ZNF354A: variants seen among roughly 807,000 people sequenced by gnomAD.
ZNF354A encodes the protein epididymis luminal protein 104.
In ZNF354A, 25 loss-of-function variants were observed where a neutral mutation model predicts 53.3. The ratio of observed to expected loss-of-function variants is 0.47; its 90% CI spans 0.34 to 0.66. The LOEUF (loss-of-function observed/expected upper bound fraction) is 0.66, where lower values mean the gene tolerates loss of function less well. Ranked by LOEUF, ZNF354A falls within the 30% of genes least tolerant of loss-of-function variation. The pLI is 0.01. For missense variants in ZNF354A, 586 were observed against 716.8 expected (o/e 0.82, Z 2.08); for synonymous variants, 228 against 249.0 (o/e 0.92, Z 0.79).
intron 4 of ZNF354A, among the ~76,000 whole-genome samples, chr5:178,722,084 C>T (rs1284764062): frequency 1.3e-5 from 2 of 152,268 alleles, no homozygotes; most frequent in East Asian, 3.9e-4. Flanking sequence ...CCTGATTTTC[C>T]TTACAGTACG....
In ZNF354A at chr5:178,712,326, C is replaced by G; in HGVS notation, c.1552G>C (p.Gly518Arg). 1 of 1,614,088 alleles carries G rather than the reference C, an allele frequency of 6.2e-7. No homozygotes were observed. The highest frequency in any genetic ancestry group is 8.5e-7 in the Non-Finnish European group (1 of 1,179,996). The change falls in exon 5 of 5, where the codon GGA (glycine) becomes CGA (arginine). Residue 518 changes from glycine (G) to arginine (R), a missense_variant. Physicochemically the swap from Gly to Arg is moderately radical, Grantham distance 125. This residue lies in a region of ZNF354A where 573 missense variants were observed against 680.1 expected (regional missense o/e 0.84). Coordinates refer to ENST00000335815, the MANE Select transcript of ZNF354A (RefSeq NM_005649.3). The part of the protein sequence containing the change: ...SLSNHQRIHT[G>R]EKPYRCEECG... ...TCCTCACATCGATATGGTTTCTCTC[C>G]AGTATGAATTCTCTGGTGATTACTA...
chr5:178,716,966 G>A (rs950072643), intron 4 of ZNF354A, among the ~76,000 whole-genome samples: 3 of 150,624 alleles, frequency 2.0e-5, no homozygotes, highest in African/African-American at 7.3e-5. Flanking sequence ...ATAATCCCAG[G>A]TACTCGGGAG....
Position 178,713,306 on chromosome 5 carries a change from A to G in ZNF354A, c.572T>C (p.Ile191Thr), listed in dbSNP as rs374459857. ...PREKTPPKCE[I>T]QGNSLKQNSQ... ...ATTCTGTTTGAGGCTGTTTCCTTGT[A>G]TTTCACATTTTGGTGGTGTTTTTTC... Residue 191 changes from isoleucine to threonine, a missense_variant, in exon 5 of 5, where the codon ATA (isoleucine) becomes ACA (threonine). Ile to Thr is a moderately conservative substitution (Grantham distance 89). This residue lies in a region of ZNF354A where 573 missense variants were observed against 680.1 expected (regional missense o/e 0.84). Transcript: ENST00000335815. 1.9e-6 allele frequency: 3 copies of G among 1,613,954 alleles called. No homozygotes were observed. The African/African-American group carries it at 4.0e-5, about 22-fold the overall frequency.
Position 178,713,027 on chromosome 5 carries a change from G to T in ZNF354A, c.851C>A (p.Ser284Tyr). Residue 284 changes from serine to tyrosine, a missense_variant, in exon 5 of 5, where the codon TCC becomes TAC. This residue lies in a region of ZNF354A where 573 missense variants were observed against 680.1 expected (regional missense o/e 0.84). Coordinates refer to ENST00000335815, the MANE Select transcript of ZNF354A (RefSeq NM_005649.3). Reference protein sequence around the residue: ...ECGKAFTLSTSLYKHLRTHTV... With the variant: ...ECGKAFTLSTYLYKHLRTHTV... ...ATGGGTTCTTAGATGTTTATAAAGG[G>T]ATGTACTGAGAGTAAAGGCTTTCCC... 6.2e-7 allele frequency: 1 copy of T among 1,614,052 alleles called. No individual in the cohort carries two copies. The highest frequency in any genetic ancestry group is 8.5e-7 in the Non-Finnish European group (1 of 1,179,992).
intron 1 of ZNF354A, among the ~76,000 whole-genome samples, chr5:178,729,620 A>G (rs4451064): frequency 0.24 from 36,197 of 150,854 alleles, 5,021 homozygotes; most frequent in South Asian, 0.35. Context: ...GCGCAGTGGC[A>G]GGATCTCGGC....
At chr5:178,730,069 GTTAGTCAGGA>G (rs1347695675) in intron 1 of ZNF354A, among the ~76,000 whole-genome samples, 1 of 151,754 alleles carries the variant, frequency 6.6e-6, no homozygotes, top group Non-Finnish European at 1.5e-5. Flanking sequence ...GTTTCACCGT[GTTAGTCAGGA>G]TGGTCTCGAT....
At chr5:178,715,196 T>C (rs187110982) in intron 4 of ZNF354A, among the ~76,000 whole-genome samples, 17 of 152,304 alleles carry the variant, frequency 1.1e-4, no homozygotes, top group Admixed American at 1.0e-3. Flanking sequence ...GGGGTAGAGG[T>C]AACTGTTTAA....
rs148525094 is a variant in ZNF354A, at chr5:178,730,544, G to T, written c.-52+12C>A. On this transcript the variant is annotated intron_variant, in intron 1 of 4. Coordinates refer to ENST00000335815, the MANE Select transcript of ZNF354A (RefSeq NM_005649.3). ...CCGCCTCCTACCGGCTTGGCCTGCC[G>T]CCGACGCTCACCTCCCTAAGCTCGA... 36,683 of 151,724 alleles carry T rather than the reference G, an allele frequency of 0.24. 5,122 individuals carry two copies. The highest frequency in any genetic ancestry group is 0.35 in the South Asian group (1,665 of 4,824). 9.4% of individuals were successfully genotyped at this position (151,724 alleles called of 1,614,324 possible). A position where few individuals can be genotyped will look rare whatever the true frequency, so the allele number is the denominator to read the frequency against.
intron 3 of ZNF354A, chr5:178,726,297 T>C: frequency 4.8e-6 from 2 of 419,874 alleles, no homozygotes; most frequent in Non-Finnish European, 9.5e-6. Context: ...CCACAAAGCC[T>C]AAAGTCTTTA....
Position 178,713,168 on chromosome 5 carries a change from C to T in ZNF354A, c.710G>A (p.Ser237Asn), listed in dbSNP as rs762678695. 1.2e-6 allele frequency: 2 copies of T among 1,614,090 alleles called. No homozygotes were observed. Among genetic ancestry groups the T allele is most frequent in the Non-Finnish European group, 1.7e-6 (2 of 1,180,014 alleles). ...TTTACACTTAAATAGTTTCTCTCCACTATGGTTTTTCTCATGTTTACGAAG... is the reference window on the plus strand; with the variant it reads ...TTTACACTTAAATAGTTTCTCTCCATTATGGTTTTTCTCATGTTTACGAAG... ...SSLRKHEKNH[S>N]GEKLFKCKEC... Residue 237 changes from serine to asparagine, a missense_variant, in exon 5 of 5, where the codon AGT becomes AAT. Transcript: ENST00000335815.
chr5:178,727,851 CA>C (rs1765941102), intron 2 of ZNF354A, among the ~76,000 whole-genome samples: 1 of 140,554 alleles, frequency 7.1e-6, no homozygotes, highest in Non-Finnish European at 1.6e-5. Context: ...GACTTGTACA[CA>C]TTTTTTTTTT....
intron 2 of ZNF354A, among the ~76,000 whole-genome samples, 171 bp from the exon 3 acceptor site, chr5:178,727,296 A>T (rs925108799): frequency 6.6e-6 from 1 of 152,192 alleles, no homozygotes; most frequent in Non-Finnish European, 1.5e-5. Context: ...TATACTGAGC[A>T]GCACACAGTG....
Position 178,712,905 on chromosome 5 carries a change from G to T in ZNF354A, c.973C>A (p.Pro325Thr), listed in dbSNP as rs1234198979. 1 of 1,613,888 alleles carries T rather than the reference G, an allele frequency of 6.2e-7. No individual in the cohort carries two copies. The highest frequency in any genetic ancestry group is 8.5e-7 in the Non-Finnish European group (1 of 1,180,014). The change falls in exon 5 of 5, where the codon CCT (proline) becomes ACT (threonine). Residue 325 changes from proline (P) to threonine (T), a missense_variant. Pro to Thr is a conservative substitution (Grantham distance 38). Around this residue, in one of 2 missense-constraint regions of ZNF354A, gnomAD observed 573 missense variants for 680.1 expected, o/e 0.84. Transcript: ENST00000335815. The stretch of plus-strand genomic sequence containing the variant: ...TTCCTACCCGGATTATACTTACAAG[G>T]GTTTTCTTCAGCATGAATTTTTTGA... Reference protein sequence around the residue: ...IHQKIHAEENPCKYNPGRKAS... With the variant: ...IHQKIHAEENTCKYNPGRKAS...
intron 2 of ZNF354A, among the ~76,000 whole-genome samples, chr5:178,727,943 C>T (rs1471391443): frequency 5.3e-5 from 8 of 152,204 alleles, no homozygotes; most frequent in South Asian, 2.1e-4. Flanking sequence ...CTCCACCTTC[C>T]GGGTTCCAAT....
intron 4 of ZNF354A, among the ~76,000 whole-genome samples, chr5:178,719,936 G>A (rs1213818181): frequency 2.5e-5 from 3 of 120,202 alleles, no homozygotes; most frequent in African/African-American, 5.5e-5. Flanking sequence ...GACAGAGCGA[G>A]ACTCCGTCTC....
intron 4 of ZNF354A, among the ~76,000 whole-genome samples, chr5:178,715,834 A>G (rs1242438553): frequency 6.6e-6 from 1 of 151,800 alleles, no homozygotes; most frequent in East Asian, 1.9e-4. Flanking sequence ...TCTCTACCAT[A>G]ATCTCCTAAC....
intron 4 of ZNF354A, among the ~76,000 whole-genome samples, chr5:178,720,349 T>C (rs1765789833): frequency 6.6e-6 from 1 of 152,246 alleles, no homozygotes; most frequent in Non-Finnish European, 1.5e-5. Context: ...ATATGGTCTT[T>C]GCACGTTCAA....
At chr5:178,727,299 A>G (rs956750449) in intron 2 of ZNF354A, among the ~76,000 whole-genome samples, 174 bp from the exon 3 acceptor site, 5 of 152,186 alleles carry the variant, frequency 3.3e-5, no homozygotes, top group African/African-American at 1.2e-4. Context: ...ACTGAGCAGC[A>G]CACAGTGAGA....
At chr5:178,727,200 G>A (rs1411945776) in intron 2 of ZNF354A, 75 bp from the exon 3 acceptor site, 3 of 1,450,738 alleles carry the variant, frequency 2.1e-6, no homozygotes, top group Non-Finnish European at 9.3e-7. Context: ...GGAAAGACAC[G>A]CTACCCGTGA....
Sources: allele counts gnomAD v4.1 joint callset (sites outside exome capture counted in the v4.1 genomes callset), GRCh38; gene constraint gnomAD v4.1.1; regional missense constraint gnomAD v4.1.1; transcripts MANE v1.5; gene names NCBI Gene and HGNC (gene_info 2026-07-23, HGNC 2026-07-21).